Variants in MMRN2 observed in about 807,000 individuals in gnomAD.
MMRN2 encodes the protein multimerin 2.
A neutral mutation model predicts 68.8 loss-of-function variants in MMRN2; 53 were observed. The ratio of observed to expected loss-of-function variants is 0.77; its 90% CI spans 0.62 to 0.97. MMRN2 has a LOEUF of 0.97. MMRN2 is among the 50% of genes least tolerant of loss of function. The pLI, the probability that MMRN2 is intolerant of heterozygous loss-of-function variation, is 0.00. For synonymous variants in MMRN2, 564 were observed against 551.6 expected, an observed-to-expected ratio of 1.02 and a Z score of -0.32; for missense variants, 1,266 against 1,259.5, an observed-to-expected ratio of 1.01 and a Z score of -0.08.
Position 86,943,187 on chromosome 10 carries a change from G to A in MMRN2, c.1597C>T (p.Leu533=), listed in dbSNP as rs1298428595. 3 of 1,608,546 alleles carry A rather than the reference G, an allele frequency of 1.9e-6. No homozygotes were observed. Among genetic ancestry groups the A allele is most frequent in the Admixed American group, 1.7e-5 (1 of 59,860 alleles). ...DERRQLDGSS[L]QALQNAVDAV... is the part of the protein sequence containing the mutation. ...TCCACGGCGTTCTGCAGGGCCTGCA[G>A]GGAGGAGCCGTCCAGCTGCCGCCGC... The change falls in exon 6 of 7, where the codon CTG becomes TTG. Residue 533 remains leucine (L), a synonymous_variant. Transcript: ENST00000372027. The surrounding 1 kb of genome is among the most constrained non-coding windows in gnomAD (Gnocchi z 4.2).
At position 86,937,030 on chromosome 10, in the gene MMRN2, A is replaced by G. The variant is rs749514966; in HGVS notation, c.2563T>C (p.Tyr855His). Residue 855 changes from tyrosine (Y) to histidine (H), a missense_variant, in exon 7 of 7, where the codon TAC becomes CAC. Transcript: ENST00000372027. ...CGGAAGTAGCCATGTTCAGGGAAGTAGCTGCTGCCAATGTTGATGTATGTG... is the reference window on the plus strand; with the variant it reads ...CGGAAGTAGCCATGTTCAGGGAAGTGGCTGCTGCCAATGTTGATGTATGTG... ...NTTYINIGSS[Y>H]FPEHGYFRAP... 3 of 1,614,124 alleles carry G rather than the reference A, an allele frequency of 1.9e-6. No homozygotes were observed. In the African/African-American group the frequency reaches 4.0e-5, roughly 22 times the overall value.
chr10:86,950,955 T>C (rs139068686), intron 1 of MMRN2, among the ~76,000 whole-genome samples: 3 of 152,098 alleles, frequency 2.0e-5, no homozygotes, highest in Non-Finnish European at 4.4e-5. Flanking sequence ...AGCTCATAGA[T>C]AATGCTACTT....
chr10:86,942,792 G>A lies in MMRN2; in HGVS notation c.1992C>T (p.Ala664=), dbSNP rs1156512622. The A allele has an allele frequency of 7.3e-7, 1 of 1,361,340 alleles. No homozygotes were observed. Among genetic ancestry groups the A allele is most frequent in the Non-Finnish European group, 9.4e-7 (1 of 1,059,920 alleles). 84.3% of individuals were successfully genotyped at this position (1,361,340 alleles called of 1,614,324 possible). Residue 664 remains alanine, a synonymous_variant, in exon 6 of 7, where the codon GCC becomes GCT. Coordinates refer to ENST00000372027, the MANE Select transcript of MMRN2 (RefSeq NM_024756.3). The part of the protein sequence containing the change: ...GWDELAARVT[A]LEQASEPPRP... ...GCGGGGGCTCCGAGGCCTGCTCCAG[G>A]GCCGTCACTCGGGCGGCCAGCTCGT...
At chr10:86,939,804 GGGGT>G (rs1052638776) in intron 6 of MMRN2, among the ~76,000 whole-genome samples, 1 of 125,412 alleles carries the variant, frequency 8.0e-6, no homozygotes, top group Non-Finnish European at 1.6e-5. Flanking sequence ...AGGGAAATTT[GGGGT>G]GTGTGTGTGT....
At chr10:86,940,411 G>C (rs192831145) in intron 6 of MMRN2, among the ~76,000 whole-genome samples, 1 of 152,288 alleles carries the variant, frequency 6.6e-6, no homozygotes, top group East Asian at 1.9e-4. Context: ...TCAGCATATT[G>C]AAGCCTTGCA....
intron 1 of MMRN2, chr10:86,949,217 A>G (rs893584647): frequency 2.0e-5 from 3 of 152,244 alleles, no homozygotes; most frequent in African/African-American, 7.2e-5. Context: ...TGAAAATTGC[A>G]TTCAAAATAC....
At chr10:86,951,574 A>G (rs1232408134) in intron 1 of MMRN2, among the ~76,000 whole-genome samples, 1 of 152,208 alleles carries the variant, frequency 6.6e-6, no homozygotes, top group Non-Finnish European at 1.5e-5. Flanking sequence ...ACAACATATA[A>G]ATGAACCAGC....
At chr10:86,950,466 G>T (rs1029552072) in intron 1 of MMRN2, among the ~76,000 whole-genome samples, 3 of 152,172 alleles carry the variant, frequency 2.0e-5, no homozygotes, top group Non-Finnish European at 4.4e-5. Flanking sequence ...ATGCAGAACC[G>T]TGGTGTCACA....
At position 86,955,077 on chromosome 10, in the gene MMRN2, G is replaced by T. The variant is rs373008574; in HGVS notation, c.164+2301C>A. Among the ~76,000 whole-genome samples the T allele has an allele frequency of 1.5e-3, 230 of 152,300 alleles. 8 individuals are homozygous for T. The South Asian group carries it at 0.045, about 30-fold the overall frequency. On this transcript the variant is annotated intron_variant, in intron 1 of 6. Transcript: ENST00000372027. ...CATCCCCTACACGGCCACCCTCTTGGGGGGACAGGACAGCCTGGGTGGGCC... is the reference window on the plus strand; with the variant it reads ...CATCCCCTACACGGCCACCCTCTTGTGGGGACAGGACAGCCTGGGTGGGCC...
Position 86,943,163 on chromosome 10 carries a change from C to CCACGGCGTT in MMRN2, c.1612_1620dup (p.Asn538_Val540dup). ...GCGTCCACGGCCAGCGACACGGCGT[C>CCACGGCGTT]CACGGCGTTCTGCAGGGCCTGCAGG... On this transcript the variant is annotated inframe_insertion, in exon 6 of 7. Transcript: ENST00000372027. This position sits in a 1 kb window ranked among gnomAD's most constrained non-coding sequence, Gnocchi z 4.2. 1 of 1,603,902 alleles carries CCACGGCGTT rather than the reference C, an allele frequency of 6.2e-7. No individual in the cohort carries two copies. Among genetic ancestry groups the CCACGGCGTT allele is most frequent in the Non-Finnish European group, 8.5e-7 (1 of 1,175,954 alleles).
At chr10:86,940,927 T>G (rs1843956593) in intron 6 of MMRN2, among the ~76,000 whole-genome samples, 1 of 152,240 alleles carries the variant, frequency 6.6e-6, no homozygotes, top group Non-Finnish European at 1.5e-5. Flanking sequence ...GCACATGCCT[T>G]CAGCCTCAAA....
At position 86,942,387 on chromosome 10, in the gene MMRN2, C is replaced by T. The variant is rs149466145; in HGVS notation, c.2397G>A (p.Ala799=). ...TGACCCGTATGTCCACCAAAGGCTC[C>T]GCTTCCTTCTTGTCCCTCTTCCGGG... ...EAPRKRDKKE[A]EPLVDIRVTG... The change falls in exon 6 of 7, where the codon GCG becomes GCA. Residue 799 remains alanine (A), a synonymous_variant. Transcript: ENST00000372027. The T allele has an allele frequency of 3.7e-5, 60 of 1,614,196 alleles. No homozygotes were observed. In the East Asian group the frequency reaches 4.9e-4, roughly 13 times the overall value.
intron 1 of MMRN2, among the ~76,000 whole-genome samples, chr10:86,950,826 C>A: frequency 6.6e-6 from 1 of 152,020 alleles, no homozygotes; most frequent in East Asian, 1.9e-4. Context: ...CAGGGAAAAC[C>A]AAAAGTGTGC....
intron 1 of MMRN2, among the ~76,000 whole-genome samples, chr10:86,946,925 G>A (rs1288166573): frequency 6.6e-6 from 1 of 152,160 alleles, no homozygotes; most frequent in East Asian, 1.9e-4. Context: ...AGGCCAGAAA[G>A]TCGGATGAGG....
chr10:86,944,257 C>T lies in MMRN2; in HGVS notation c.655+5G>A, dbSNP rs1317792493. 1.2e-6 allele frequency: 2 copies of T among 1,601,976 alleles called. No individual in the cohort carries two copies. Among genetic ancestry groups the T allele is most frequent in the South Asian group, 1.1e-5 (1 of 90,380 alleles). ...CTTCCTCAGCCCCTAGAGCCTGCCA[C>T]TCACCGTGCCCTGTTTGATTTGCTT... On this transcript the variant is annotated splice_donor_5th_base_variant and intron_variant, in intron 5 of 6. Transcript: ENST00000372027.
At chr10:86,939,454 T>C (rs1466564630) in intron 6 of MMRN2, among the ~76,000 whole-genome samples, 2 of 83,808 alleles carry the variant, frequency 2.4e-5, no homozygotes, top group African/African-American at 5.1e-5. Context: ...AGGGCGAGAC[T>C]CCGTCTCAAA....
At chr10:86,945,062 CAGGCCTTGCTGATTCTGG>C in intron 4 of MMRN2, 108 bp downstream of exon 4, 1 of 799,302 alleles carries the variant, frequency 1.3e-6, no homozygotes, top group East Asian at 2.6e-5. Context: ...GGCCACAGAG[CAGGCCTTGCTGATTCTGG>C]AGGCAAGGTT....
rs1048630379 is a variant in MMRN2, at chr10:86,942,472, C to T, written c.2312G>A (p.Gly771Glu). Residue 771 changes from glycine (G) to glutamate (E), a missense_variant, in exon 6 of 7, where the codon GGG (glycine) becomes GAG (glutamate). Coordinates refer to ENST00000372027, the MANE Select transcript of MMRN2 (RefSeq NM_024756.3). ...LMEANVSLDLGKLQTMLSRKG... is the reference protein window; with the variant it reads ...LMEANVSLDLEKLQTMLSRKG... ...CCTGCTCAGCATGGTCTGCAGCTTC[C>T]CCAGGTCCAGGCTGACGTTGGCTTC... 6.2e-7 allele frequency: 1 copy of T among 1,614,168 alleles called. No individual in the cohort carries two copies. Among genetic ancestry groups the T allele is most frequent in the African/African-American group, 1.3e-5 (1 of 75,086 alleles).
Position 86,943,618 on chromosome 10 carries a change from CG to C in MMRN2, c.1165del (p.Arg389AlafsTer13). On this transcript the variant is annotated frameshift_variant, in exon 6 of 7. Coordinates refer to ENST00000372027, the MANE Select transcript of MMRN2 (RefSeq NM_024756.3). LOFTEE classifies it high-confidence loss of function. This position sits in a 1 kb window ranked among gnomAD's most constrained non-coding sequence, Gnocchi z 4.2. Reference sequence around the variant, plus strand: ...GGTGTACTGCAACTCCTCCTCCCTGCGGGCCGTGGTCATGTGCAGCTCTGAG... The same window carrying C: ...GGTGTACTGCAACTCCTCCTCCCTGCGGCCGTGGTCATGTGCAGCTCTGAG... ...NLSELHMTTARREEELQYTLE... is the reference protein window; with the variant it reads ...NLSELHMTTAXREEELQYTLE... 1 of 1,613,756 alleles carries C rather than the reference CG, an allele frequency of 6.2e-7. No homozygotes were observed. Among genetic ancestry groups the C allele is most frequent in the Non-Finnish European group, 8.5e-7 (1 of 1,180,014 alleles).
Sources: allele counts gnomAD v4.1 joint callset (sites outside exome capture counted in the v4.1 genomes callset), GRCh38; gene constraint gnomAD v4.1.1; non-coding constraint Gnocchi (gnomAD v3.1); transcripts MANE v1.5; gene names NCBI Gene and HGNC (gene_info 2026-07-23, HGNC 2026-07-21).